The following DYSF variants were observed in gnomAD, a reference collection of about 807,000 sequenced individuals.
DYSF encodes dysferlin.
A neutral mutation model predicts 274.9 loss-of-function variants in DYSF; 212 were observed. The observed-to-expected ratio is 0.77, with a 90% CI of 0.69 to 0.86. The LOEUF (loss-of-function observed/expected upper bound fraction) is 0.86, where lower values mean the gene tolerates loss of function less well. Ranked by LOEUF, DYSF falls within the 40% of genes least tolerant of loss-of-function variation. The pLI is 0.00. For synonymous variants in DYSF, 1,091 were observed against 1,078.7 expected (o/e 1.01, Z -0.22); for missense variants, 2,666 against 2,783.2 (o/e 0.96, Z 0.95).
chr2:71,493,590 G>A (rs2084076362), intron 3 of DYSF, among the ~76,000 whole-genome samples: 2 of 152,094 alleles, frequency 1.3e-5, no homozygotes, highest in African/African-American at 4.8e-5. Flanking sequence ...GCTGGCTCAC[G>A]CCTGTAATAC....
chr2:71,555,158 G>A (rs565101733), intron 21 of DYSF, among the ~76,000 whole-genome samples: 1 of 152,316 alleles, frequency 6.6e-6, no homozygotes, highest in South Asian at 2.1e-4. Context: ...GAGGAGACCA[G>A]CGAATGCTGA....
Position 71,539,081 on chromosome 2 carries a change from G to A in DYSF, c.1494-76G>A, listed in dbSNP as rs140952123. The A allele has an allele frequency of 1.3e-3, 1,811 of 1,341,890 alleles. 23 individuals carry two copies. The African/African-American group carries it at 0.023, about 17-fold the overall frequency. 83.1% of individuals were successfully genotyped at this position (1,341,890 alleles called of 1,614,324 possible). A position where few individuals can be genotyped will look rare whatever the true frequency, so the allele number is the denominator to read the frequency against. ...CGCCCCCCTGTGATGTGTAACCGAG[G>A]CCGCATACTTCCTGGGTGGGCTGTG... On this transcript the variant is annotated intron_variant, in intron 16 of 55. Transcript: ENST00000410020.
At chr2:71,631,787 C>T (rs942217523) in intron 41 of DYSF, among the ~76,000 whole-genome samples, 14 of 151,944 alleles carry the variant, frequency 9.2e-5, no homozygotes, top group African/African-American at 2.9e-4. Flanking sequence ...TGGCTCGGGG[C>T]GCCTTTTCCC....
chr2:71,484,889 G>A (rs375447944), intron 3 of DYSF, among the ~76,000 whole-genome samples: 33 of 152,138 alleles, frequency 2.2e-4, no homozygotes, highest in African/African-American at 8.0e-4. Flanking sequence ...TATGGGGAAC[G>A]GGAAGCTTCG....
intron 54 of DYSF, among the ~76,000 whole-genome samples, chr2:71,682,090 G>A (rs572367233): frequency 7.9e-5 from 12 of 152,196 alleles, no homozygotes; most frequent in East Asian, 5.8e-4. Flanking sequence ...TCTTCCCACC[G>A]TTGTTCCCTG....
intron 3 of DYSF, among the ~76,000 whole-genome samples, chr2:71,492,011 G>T (rs1231742958): frequency 1.3e-5 from 2 of 152,116 alleles, no homozygotes; most frequent in Non-Finnish European, 2.9e-5. Flanking sequence ...AGGCTGTTTT[G>T]GGCAGGATTA....
chr2:71,496,552 G>A (rs140623458), intron 3 of DYSF, among the ~76,000 whole-genome samples: 4 of 152,266 alleles, frequency 2.6e-5, no homozygotes, highest in East Asian at 1.9e-4. Context: ...TCTATGTACC[G>A]ACATAGACGG....
chr2:71,672,215 A>G (rs956262739), intron 51 of DYSF, among the ~76,000 whole-genome samples: 1 of 152,172 alleles, frequency 6.6e-6, no homozygotes, highest in Non-Finnish European at 1.5e-5. Context: ...GCTTGGCCGA[A>G]GGCAGAGCCA....
At chr2:71,543,385 C>T (rs1269124971) in intron 17 of DYSF, among the ~76,000 whole-genome samples, 1 of 151,258 alleles carries the variant, frequency 6.6e-6, no homozygotes, top group Non-Finnish European at 1.5e-5. Context: ...GACTGGGCAG[C>T]CGGGCAGAGG....
At chr2:71,669,072 G>A (rs1016198532) in intron 49 of DYSF, 40 bp from the exon 50 acceptor site, 1 of 1,531,806 alleles carries the variant, frequency 6.5e-7, no homozygotes, top group African/African-American at 1.4e-5. Context: ...CCATCCTTTG[G>A]TAGGAAATCT....
intron 7 of DYSF, 56 bp from the exon 8 acceptor site, chr2:71,515,567 G>A (rs2086566654): frequency 1.9e-5 from 30 of 1,613,146 alleles, no homozygotes; most frequent in Non-Finnish European, 2.4e-5. Context: ...GGTGGATGGT[G>A]GGTGGTCCTT....
At chr2:71,668,962 A>ATAC in intron 49 of DYSF, 120 bp downstream of exon 49, 1 of 1,334,978 alleles carries the variant, frequency 7.5e-7, no homozygotes. Context: ...GGGCCATGGA[A>ATAC]TACAGTTCTC....
intron 30 of DYSF, among the ~76,000 whole-genome samples, chr2:71,581,555 C>T (rs1463914245): frequency 6.6e-6 from 1 of 152,238 alleles, no homozygotes. Context: ...GGGTTCCCCA[C>T]AGCCCTGACT....
At chr2:71,575,851 G>T (rs2092682732) in intron 30 of DYSF, among the ~76,000 whole-genome samples, 1 of 152,202 alleles carries the variant, frequency 6.6e-6, no homozygotes, top group Non-Finnish European at 1.5e-5. Flanking sequence ...CAGGAAACAG[G>T]TTCATACAGT....
intron 23 of DYSF, among the ~76,000 whole-genome samples, chr2:71,563,583 G>A (rs562315249): frequency 6.6e-6 from 1 of 152,184 alleles, no homozygotes; most frequent in Non-Finnish European, 1.5e-5. Flanking sequence ...CGGGAGGAGG[G>A]TGTGTGTCCT....
At chr2:71,533,298 CATGAG>C (rs1345707084) in intron 14 of DYSF, among the ~76,000 whole-genome samples, 18 of 152,230 alleles carry the variant, frequency 1.2e-4, no homozygotes, top group Non-Finnish European at 1.5e-5. Context: ...GGGATTAAGG[CATGAG>C]CCACCGTGCC....
chr2:71,673,420 T>C (rs2095165236), intron 51 of DYSF, among the ~76,000 whole-genome samples: 1 of 152,096 alleles, frequency 6.6e-6, no homozygotes, highest in Non-Finnish European at 1.5e-5. Flanking sequence ...GCCCCTCCTC[T>C]CCTTTCAGCA....
intron 36 of DYSF, among the ~76,000 whole-genome samples, chr2:71,609,318 G>T (rs2093704937): frequency 6.6e-6 from 1 of 152,198 alleles, no homozygotes; most frequent in Non-Finnish European, 1.5e-5. Context: ...CACCTGCATT[G>T]TGGGTCTGGA....
chr2:71,475,226 C>CCATGGCTGAAGT (rs2082315124), intron 1 of DYSF, among the ~76,000 whole-genome samples: 1 of 152,154 alleles, frequency 6.6e-6, no homozygotes, highest in African/African-American at 2.4e-5. Flanking sequence ...AACAGCCACA[C>CCATGGCTGAAGT]CATGAATGAA....
Sources: gnomAD v4.1 joint callset for allele counts (sites outside exome capture counted in the v4.1 genomes callset) on GRCh38, gnomAD v4.1.1 for gene constraint, MANE v1.5 for transcripts, NCBI Gene and HGNC (gene_info 2026-07-23, HGNC 2026-07-21) for gene names.